Variants in BACH1 observed in about 807,000 individuals in gnomAD.
The protein encoded by BACH1 is BTB domain and CNC homolog 1.
Under a neutral mutation model 52.9 loss-of-function variants are expected in BACH1, and 35 were observed. The observed-to-expected ratio is 0.66, with a 90% CI of 0.51 to 0.88. The LOEUF (loss-of-function observed/expected upper bound fraction) is 0.88. Ranked by LOEUF, BACH1 falls within the 40% of genes least tolerant of loss-of-function variation. The pLI is 0.00. For synonymous variants in BACH1, 321 were observed against 319.6 expected, an observed-to-expected ratio of 1.00 and a Z score of -0.05; for missense variants, 808 against 872.6, an observed-to-expected ratio of 0.93 and a Z score of 0.93.
chr21:29,350,118 A>C (rs979706835), downstream of BACH1, among the ~76,000 whole-genome samples: 3 of 152,116 alleles, frequency 2.0e-5, no homozygotes, highest in African/African-American at 7.2e-5. Context: ...CCTCTTACCC[A>C]GACCAACGTC....
intron 2 of BACH1, among the ~76,000 whole-genome samples, chr21:29,360,867 A>C (rs1337532701): frequency 6.6e-6 from 1 of 151,538 alleles, no homozygotes; most frequent in Non-Finnish European, 1.5e-5. Flanking sequence ...AAAAACAAAA[A>C]AAAACCCCAC....
intron 2 of BACH1, among the ~76,000 whole-genome samples, chr21:29,356,426 T>C (rs993880419): frequency 1.3e-5 from 2 of 152,260 alleles, no homozygotes; most frequent in Non-Finnish European, 2.9e-5. Flanking sequence ...TTTGGCTGAG[T>C]GCAAACAGCT....
chr21:29,299,191 C>T (rs569407827), intron 1 of BACH1, among the ~76,000 whole-genome samples: 1 of 151,674 alleles, frequency 6.6e-6, no homozygotes. Flanking sequence ...GGCGGCCGAA[C>T]CCCCTGCACT....
At chr21:29,331,001 T>C (rs1385247143) in intron 4 of BACH1, among the ~76,000 whole-genome samples, 1 of 151,414 alleles carries the variant, frequency 6.6e-6, no homozygotes, top group East Asian at 1.9e-4. Context: ...TATTGCTGAA[T>C]AGTTAAAATT....
rs763715633 is a variant in BACH1, at chr21:29,318,879, G to A, written c.-60-2342G>A. On this transcript the variant is annotated intron_variant, in intron 1 of 4. Transcript: ENST00000286800. The stretch of plus-strand genomic sequence containing the variant: ...CTGCGGTCCATATCTGTATTCTCAA[G>A]CATAACCTTTTAGTCATATCCAGCT... 7.2e-4 allele frequency among the ~76,000 whole-genome samples: 110 copies of A among 152,074 alleles called. 1 individual carries two copies. Among genetic ancestry groups the A allele is most frequent in the Admixed American group, 3.6e-3 (55 of 15,278 alleles).
rs2070401 is a variant in BACH1 at position 29,343,164 on chromosome 21, A to G, written c.*331A>G. Reference sequence around the variant, plus strand: ...GAAAACTGCAGCATATCAGACAGCAATTTAACAGCTTGAAACATCTACAGA... The same window carrying G: ...GAAAACTGCAGCATATCAGACAGCAGTTTAACAGCTTGAAACATCTACAGA... On this transcript the variant is annotated 3_prime_UTR_variant, in exon 5 of 5. Transcript: ENST00000286800. 4,651 of 175,630 alleles carry G rather than the reference A, an allele frequency of 0.026. 234 individuals carry two copies. Among genetic ancestry groups the G allele is most frequent in the East Asian group, 0.2 (1,350 of 6,596 alleles). 10.9% of individuals were successfully genotyped at this position (175,630 alleles called of 1,614,324 possible).
chr21:29,329,602 G>T lies in BACH1; in HGVS notation c.1685G>T (p.Arg562Leu), dbSNP rs770670228. Residue 562 changes from arginine (R) to leucine (L), a missense_variant, in exon 4 of 5, where the codon CGA becomes CTA. Arg to Leu is a moderately radical substitution (Grantham distance 102). Transcript: ENST00000286800. ...CAGCTGGATTGTATCCATGATATTC[G>T]AAGAAGAAGTAAAAACAGAATTGCT... is the stretch of plus-strand genomic sequence containing the variant. ...PEQLDCIHDIRRRSKNRIAAQ... is the reference protein window; with the variant it reads ...PEQLDCIHDILRRSKNRIAAQ... 1.9e-6 allele frequency: 3 copies of T among 1,605,816 alleles called. No homozygotes were observed. Among genetic ancestry groups the T allele is most frequent in the Non-Finnish European group, 2.5e-6 (3 of 1,177,082 alleles).
intron 1 of BACH1, among the ~76,000 whole-genome samples, chr21:29,314,616 G>A (rs2088765501): frequency 6.6e-6 from 1 of 152,066 alleles, no homozygotes; most frequent in Admixed American, 6.5e-5. Flanking sequence ...TTAAAAAAGC[G>A]GTGGCATCTT....
intron 2 of BACH1, among the ~76,000 whole-genome samples, chr21:29,355,644 GT>G (rs2089229535): frequency 6.6e-6 from 1 of 152,194 alleles, no homozygotes; most frequent in South Asian, 2.1e-4. Flanking sequence ...GGTAGAAGTT[GT>G]TAGTTTAGCT....
At position 29,308,510 on chromosome 21, in the gene BACH1, C is replaced by T. The variant is rs190353078; in HGVS notation, c.-61+9557C>T. ...ATACTCTTAAGCACCTCCCTCCACC[C>T]TCACCCCCCTTTTTGACTCAAATTT... On this transcript the variant is annotated intron_variant, in intron 1 of 4. Transcript: ENST00000286800. 3.5e-4 allele frequency among the ~76,000 whole-genome samples: 54 copies of T among 152,190 alleles called. 1 individual carries two copies. The highest frequency in any genetic ancestry group is 6.8e-3 in the Middle Eastern group (2 of 294).
rs1253242540 is a variant in BACH1 at position 29,345,962 on chromosome 21, A to G, written c.*3129A>G. 2 of 152,652 alleles carry G rather than the reference A, an allele frequency of 1.3e-5. No homozygotes were observed. The highest frequency in any genetic ancestry group is 6.4e-3 in the Middle Eastern group (2 of 314). The allele number at this position is 152,652 out of a possible 1,614,324, so 9.5% of individuals were successfully genotyped here. A position where few individuals can be genotyped will look rare whatever the true frequency, so the allele number is the denominator to read the frequency against. The stretch of plus-strand genomic sequence containing the variant: ...CATAATATAATTTTCTAACAATGCA[A>G]TAAAACCACTAAACTTTTGTGTCCA... On this transcript the variant is annotated 3_prime_UTR_variant, in exon 5 of 5. Coordinates refer to ENST00000286800, the MANE Select transcript of BACH1 (RefSeq NM_001186.4).
chr21:29,350,282 A>G (rs760395194), downstream of BACH1, among the ~76,000 whole-genome samples: 5 of 152,152 alleles, frequency 3.3e-5, no homozygotes, highest in Non-Finnish European at 7.4e-5. Context: ...TGATTTTTCA[A>G]TGTCTGTATA....
At chr21:29,324,041 C>G (rs912750441) in intron 2 of BACH1, among the ~76,000 whole-genome samples, 1 of 152,020 alleles carries the variant, frequency 6.6e-6, no homozygotes, top group Non-Finnish European at 1.5e-5. Flanking sequence ...CACCTGAGGT[C>G]AGGAGTTCGA....
Position 29,326,411 on chromosome 21 carries a change from C to T in BACH1, c.587C>T (p.Ser196Leu), listed in dbSNP as rs146651304. 1.4e-4 allele frequency: 229 copies of T among 1,614,070 alleles called. No individual in the cohort carries two copies. Among genetic ancestry groups the T allele is most frequent in the East Asian group, 7.8e-4 (35 of 44,898 alleles). Residue 196 changes from serine to leucine, a missense_variant, in exon 3 of 5, where the codon TCA becomes TTA. Transcript: ENST00000286800. ...LRRYQGNAKA[S>L]PPLQDSASQT... ...AGGTATCAAGGAAATGCAAAAGCCT[C>T]ACCTCCTCTACAAGACAGTGCCAGT... is the stretch of plus-strand genomic sequence containing the variant.
chr21:29,320,635 A>T (rs1569012203), intron 1 of BACH1, among the ~76,000 whole-genome samples: 1 of 152,216 alleles, frequency 6.6e-6, no homozygotes, highest in Non-Finnish European at 1.5e-5. Context: ...ATCTGGCTTG[A>T]CACATTTCAG....
chr21:29,313,359 C>T (rs1305777670), intron 1 of BACH1, among the ~76,000 whole-genome samples: 1 of 152,200 alleles, frequency 6.6e-6, no homozygotes, highest in Non-Finnish European at 1.5e-5. Context: ...TAAAATGATA[C>T]AGTCACTTTG....
At chr21:29,320,776 C>T (rs771519826) in intron 1 of BACH1, among the ~76,000 whole-genome samples, 1 of 152,174 alleles carries the variant, frequency 6.6e-6, no homozygotes, top group African/African-American at 2.4e-5. Flanking sequence ...ACAGCACATG[C>T]CTGTTTTACT....
At chr21:29,351,291 T>C (rs1290390755) in intron 2 of BACH1, among the ~76,000 whole-genome samples, 1 of 152,216 alleles carries the variant, frequency 6.6e-6, no homozygotes, top group Admixed American at 6.5e-5. Flanking sequence ...CTGTTAACAA[T>C]ACCCAGCACG....
chr21:29,358,812 A>AAGGAAAGAAAGAAAG (rs2089253903), intron 2 of BACH1, among the ~76,000 whole-genome samples: 2 of 146,450 alleles, frequency 1.4e-5, no homozygotes, highest in Non-Finnish European at 3.0e-5. Context: ...GAAAGAAAGA[A>AAGGAAAGAAAGAAAG]AGAAGAAAGA....
Sources: allele counts gnomAD v4.1 joint callset (sites outside exome capture counted in the v4.1 genomes callset), GRCh38; gene constraint gnomAD v4.1.1; transcripts MANE v1.5; gene names NCBI Gene and HGNC (gene_info 2026-07-23, HGNC 2026-07-21).